The following PCSK5 variants were observed in gnomAD, a reference collection of about 807,000 sequenced individuals.
The protein encoded by PCSK5 is proprotein convertase subtilisin/kexin type 5, also known as prohormone convertase 5.
In PCSK5, 129 loss-of-function variants were observed where a neutral mutation model predicts 233.2. The ratio of observed to expected loss-of-function variants is 0.55; its 90% CI spans 0.48 to 0.64. PCSK5 has a LOEUF of 0.64. Among genes scored for constraint, PCSK5 ranks in the 30% least tolerant of loss-of-function variants. The pLI, the probability that PCSK5 is intolerant of heterozygous loss-of-function variation, is 0.00. For missense variants in PCSK5, 2,076 were observed against 2,430.1 expected (o/e 0.85, Z 3.06); for synonymous variants, 825 against 879.2 (o/e 0.94, Z 1.09).
chr9:76,349,273 C>CAAAAAAA (rs71372068), intron 35 of PCSK5, among the ~76,000 whole-genome samples: 6 of 66,210 alleles, frequency 9.1e-5, no homozygotes, highest in Non-Finnish European at 1.2e-4. Context: ...GACTCTGTCT[C>CAAAAAAA]AAAAAAAAAA....
chr9:76,253,207 C>T (rs1395925984), intron 24 of PCSK5, among the ~76,000 whole-genome samples: 3 of 151,772 alleles, frequency 2.0e-5, no homozygotes, highest in East Asian at 1.9e-4. Context: ...TCTCCATGGG[C>T]AGATGGGGAA....
chr9:76,201,239 A>T (rs1385953909), intron 20 of PCSK5, among the ~76,000 whole-genome samples: 1 of 152,230 alleles, frequency 6.6e-6, no homozygotes, highest in Non-Finnish European at 1.5e-5. Context: ...CCAGAGAAGA[A>T]CAAAAGGAAA....
In PCSK5 at chr9:76,295,196, A is replaced by G. The variant is rs1828399209; in HGVS notation, c.3186-79A>G. 5.5e-6 allele frequency: 7 copies of G among 1,264,068 alleles called. No homozygotes were observed. The South Asian group carries it at 7.4e-5, about 13-fold the overall frequency. The allele number at this position is 1,264,068 out of a possible 1,614,324, so 78.3% of individuals were successfully genotyped here. ...ACGAAACAAAAAACTCTGCATAGAC[A>G]TACATAAGGAGATTAAATTATGGTG... On this transcript the variant is annotated intron_variant, in intron 25 of 37. Transcript: ENST00000674117.
chr9:76,350,158 A>G (rs769186342), intron 35 of PCSK5, among the ~76,000 whole-genome samples: 2 of 152,184 alleles, frequency 1.3e-5, no homozygotes, highest in African/African-American at 2.4e-5. Flanking sequence ...TTATGAGTCA[A>G]CAAACTTGAA....
Position 76,361,008 on chromosome 9 carries a change from C to T in PCSK5, c.*2086C>T, listed in dbSNP as rs1420667291. The stretch of plus-strand genomic sequence containing the variant: ...TTTAAAACAGTTTTCAGAGATCATA[C>T]ATGTACATGTATGATATGCCTCCAA... On this transcript the variant is annotated 3_prime_UTR_variant, in exon 38 of 38. Transcript: ENST00000674117. 3 of 152,114 alleles carry T rather than the reference C, an allele frequency of 2.0e-5. No individual in the cohort carries two copies. The highest frequency in any genetic ancestry group is 6.5e-5 in the Admixed American group (1 of 15,268). The allele number at this position is 152,114 out of a possible 1,614,324, so 9.4% of individuals were successfully genotyped here. A position where few individuals can be genotyped will look rare whatever the true frequency, so the allele number is the denominator to read the frequency against.
At chr9:76,296,538 A>G in intron 26 of PCSK5, 127 bp from the exon 27 acceptor site, 2 of 642,652 alleles carry the variant, frequency 3.1e-6, no homozygotes, top group East Asian at 2.7e-5. Context: ...GAGAGACTCC[A>G]TCTCAAAAAT....
intron 1 of PCSK5, among the ~76,000 whole-genome samples, chr9:75,906,416 GGGGTTTCTCTATGTT>G (rs1183881160): frequency 6.6e-6 from 1 of 152,050 alleles, no homozygotes; most frequent in Non-Finnish European, 1.5e-5. Flanking sequence ...TAGTAGAGAT[GGGGTTTCTCTATGTT>G]GGTCAGGCTG....
intron 22 of PCSK5, among the ~76,000 whole-genome samples, chr9:76,234,677 T>C (rs2131320975): frequency 6.6e-6 from 1 of 152,376 alleles, no homozygotes; most frequent in African/African-American, 2.4e-5. Flanking sequence ...GTGATGATAA[T>C]GCTTACTTCT....
rs897835495 is a variant in PCSK5 at position 75,911,219 on chromosome 9, T to G, written c.192+19846T>G. On this transcript the variant is annotated intron_variant, in intron 1 of 37. Transcript: ENST00000674117. ...CATATAGGTTTTTTTTTTTTTTTTT[T>G]TTTTTTTTTTTTTGCTAAGCTATTC... Among the ~76,000 whole-genome samples, 3 of 143,912 alleles carry G rather than the reference T, an allele frequency of 2.1e-5. No individual in the cohort carries two copies. The Admixed American group carries it at 2.1e-4, about 10-fold the overall frequency. 94.4% of individuals were successfully genotyped at this position (143,912 alleles called of 152,430 possible). A position where few individuals can be genotyped will look rare whatever the true frequency, so the allele number is the denominator to read the frequency against.
At chr9:76,267,021 A>G (rs1338778921) in intron 24 of PCSK5, among the ~76,000 whole-genome samples, 4 of 152,184 alleles carry the variant, frequency 2.6e-5, no homozygotes, top group African/African-American at 9.7e-5. Flanking sequence ...ATGATTACCC[A>G]TGACTTGAAA....
rs530815327 is a variant in PCSK5, at chr9:75,907,242, CA to C, written c.192+15870del. ...TTAATTATTACTCTGTAGCATATAG[CA>C]TAGTGTCTCACTGTGTATACTTAGT... On this transcript the variant is annotated intron_variant, in intron 1 of 37. Transcript: ENST00000674117. 1.5e-4 allele frequency among the ~76,000 whole-genome samples: 23 copies of C among 151,942 alleles called. No homozygotes were observed. The South Asian group carries it at 4.6e-3, about 30-fold the overall frequency.
chr9:76,253,162 C>A (rs755801716), intron 24 of PCSK5, among the ~76,000 whole-genome samples: 3 of 152,124 alleles, frequency 2.0e-5, no homozygotes, highest in Non-Finnish European at 4.4e-5. Flanking sequence ...GTGTAGCCAA[C>A]CTTAGTGCAT....
chr9:76,002,748 G>A (rs747567728), intron 3 of PCSK5, among the ~76,000 whole-genome samples: 1 of 152,108 alleles, frequency 6.6e-6, no homozygotes, highest in Non-Finnish European at 1.5e-5. Context: ...GAATTTATTG[G>A]CTTCTTGAAC....
At chr9:76,256,683 C>T (rs914241187) in intron 24 of PCSK5, among the ~76,000 whole-genome samples, 5 of 152,170 alleles carry the variant, frequency 3.3e-5, no homozygotes, top group Non-Finnish European at 5.9e-5. Context: ...GACCCCAGCT[C>T]GTGCCTGTTC....
chr9:75,928,219 A>G (rs1823587569), intron 1 of PCSK5, among the ~76,000 whole-genome samples: 1 of 152,152 alleles, frequency 6.6e-6, no homozygotes. Context: ...GCTTTGCACT[A>G]TTTGCTATCG....
intron 36 of PCSK5, 141 bp downstream of exon 36, chr9:76,351,069 C>T (rs1830110042): frequency 5.4e-6 from 3 of 556,302 alleles, no homozygotes; most frequent in Admixed American, 7.6e-5. Flanking sequence ...ATTTTAAAAC[C>T]TTCTACCGTT....
At chr9:75,987,751 G>A (rs1183834691) in intron 3 of PCSK5, among the ~76,000 whole-genome samples, 1 of 152,208 alleles carries the variant, frequency 6.6e-6, no homozygotes, top group Non-Finnish European at 1.5e-5. Flanking sequence ...GGAAGGCATT[G>A]GAGTGAGCAC....
chr9:75,918,340 C>G (rs1823097008), intron 1 of PCSK5, among the ~76,000 whole-genome samples: 2 of 152,182 alleles, frequency 1.3e-5, no homozygotes, highest in African/African-American at 4.8e-5. Flanking sequence ...TTGGATTGAG[C>G]TGGCTGAGCA....
intron 10 of PCSK5, among the ~76,000 whole-genome samples, chr9:76,138,437 CTT>C (rs1823067777): frequency 6.6e-6 from 1 of 152,028 alleles, no homozygotes; most frequent in Non-Finnish European, 1.5e-5. Context: ...ATGCGGAAGA[CTT>C]TTAATTCAGG....
Sources: allele counts gnomAD v4.1 joint callset (sites outside exome capture counted in the v4.1 genomes callset), GRCh38; gene constraint gnomAD v4.1.1; transcripts MANE v1.5; gene names NCBI Gene and HGNC (gene_info 2026-07-23, HGNC 2026-07-21).